SLC1A1: variants seen among roughly 807,000 people sequenced by gnomAD.
SLC1A1 encodes solute carrier family 1 member 1.
In SLC1A1, 43 loss-of-function variants were observed where a neutral mutation model predicts 53.3. The ratio of observed to expected loss-of-function variants is 0.81; its 90% CI spans 0.63 to 1.04. The LOEUF (loss-of-function observed/expected upper bound fraction) is 1.04, where lower values mean the gene tolerates loss of function less well. SLC1A1 is among the 50% of genes least tolerant of loss of function. SLC1A1 has a pLI of 0.00. For missense variants in SLC1A1, 748 were observed against 664.9 expected (o/e 1.12, Z -1.37); for synonymous variants, 307 against 243.2 (o/e 1.26, Z -2.44).
At chr9:4,553,035 G>A (rs1486152921) in intron 2 of SLC1A1, among the ~76,000 whole-genome samples, 1 of 152,000 alleles carries the variant, frequency 6.6e-6, no homozygotes, top group African/African-American at 2.4e-5. Context: ...CTAGAAGTCC[G>A]AGATACCAAT....
chr9:4,529,718 TG>T (rs1377031868), intron 1 of SLC1A1, among the ~76,000 whole-genome samples: 1 of 152,074 alleles, frequency 6.6e-6, no homozygotes, highest in Non-Finnish European at 1.5e-5. Flanking sequence ...GTTGTAGAGA[TG>T]GTGTCTCATT....
intron 11 of SLC1A1, among the ~76,000 whole-genome samples, chr9:4,584,458 T>C (rs561971464): frequency 1.3e-5 from 2 of 152,190 alleles, no homozygotes; most frequent in Non-Finnish European, 1.5e-5. Context: ...AAAGGTCCAA[T>C]TGGAGGTATG....
chr9:4,526,839 C>A (rs529117365), intron 1 of SLC1A1, among the ~76,000 whole-genome samples: 1 of 152,142 alleles, frequency 6.6e-6, no homozygotes, highest in South Asian at 2.1e-4. Flanking sequence ...AAGATTGCTA[C>A]TTCTTGGCAA....
intron 3 of SLC1A1, among the ~76,000 whole-genome samples, chr9:4,562,222 C>A (rs561910247): frequency 2.0e-5 from 3 of 151,820 alleles, no homozygotes; most frequent in Admixed American, 2.0e-4. Context: ...CAGGTGCACA[C>A]CACCATGCCC....
chr9:4,566,188 G>A (rs756624150), intron 5 of SLC1A1, 99 bp downstream of exon 5: 28 of 1,080,894 alleles, frequency 2.6e-5, no homozygotes, highest in South Asian at 7.5e-5. Context: ...AATTAGCCCC[G>A]TGAAAATGGC....
chr9:4,503,677 T>G (rs1032690951), intron 1 of SLC1A1, among the ~76,000 whole-genome samples: 3 of 151,886 alleles, frequency 2.0e-5, no homozygotes, highest in African/African-American at 7.3e-5. Context: ...CAGTATTACA[T>G]GGAACTATAA....
At chr9:4,561,798 G>A (rs1312703814) in intron 3 of SLC1A1, among the ~76,000 whole-genome samples, 1 of 152,146 alleles carries the variant, frequency 6.6e-6, no homozygotes, top group Non-Finnish European at 1.5e-5. Context: ...GGCTGAGGCA[G>A]GAGAATCACT....
At chr9:4,564,754 A>T (rs1292154339) in intron 4 of SLC1A1, among the ~76,000 whole-genome samples, 1 of 152,204 alleles carries the variant, frequency 6.6e-6, no homozygotes, top group Non-Finnish European at 1.5e-5. Context: ...TCTGAAGCGC[A>T]CTTAGAAAAA....
At chr9:4,557,887 C>A (rs979701275) in intron 2 of SLC1A1, among the ~76,000 whole-genome samples, 2 of 152,148 alleles carry the variant, frequency 1.3e-5, no homozygotes, top group Admixed American at 6.6e-5. Context: ...CCAGCTCTAC[C>A]ACTCACCTTA....
chr9:4,513,204 T>G (rs1190542069), intron 1 of SLC1A1, among the ~76,000 whole-genome samples: 3 of 152,096 alleles, frequency 2.0e-5, no homozygotes, highest in East Asian at 3.8e-4. Flanking sequence ...AATTGGTAAG[T>G]TGGACTTTAA....
In SLC1A1 at chr9:4,523,377, G is replaced by C. The variant is rs769126664; in HGVS notation, c.92-21190G>C. 2.7e-5 allele frequency among the ~76,000 whole-genome samples: 4 copies of C among 150,308 alleles called. 1 individual carries two copies. Among genetic ancestry groups the C allele is most frequent in the Admixed American group, 2.6e-4 (4 of 15,098 alleles). On this transcript the variant is annotated intron_variant, in intron 1 of 11. Transcript: ENST00000262352. ...CTTTTTTTTTTTCCACATGCCATTT[G>C]TTCTCGTACCACTAAGACCCTAAGA...
At chr9:4,525,022 C>T (rs1021189318) in intron 1 of SLC1A1, among the ~76,000 whole-genome samples, 1 of 152,094 alleles carries the variant, frequency 6.6e-6, no homozygotes, top group Admixed American at 6.5e-5. Context: ...ACAAACCAAC[C>T]ATAGCAAGAC....
rs373139653 is a variant in SLC1A1 at position 4,556,740 on chromosome 9, G to C, written c.233-4709G>C. Among the ~76,000 whole-genome samples the C allele has an allele frequency of 2.6e-5, 4 of 152,078 alleles. No homozygotes were observed. The highest frequency in any genetic ancestry group is 7.2e-5 in the African/African-American group (3 of 41,402). On this transcript the variant is annotated intron_variant, in intron 2 of 11. Transcript: ENST00000262352. The surrounding 1 kb of genome is among the most constrained non-coding windows in gnomAD (Gnocchi z 4.1). ...CACAAGTTCTCACCAAGACAATATC[G>C]TCCCCAAGGCAGCAAAAGCTGTTTT...
chr9:4,543,937 C>G (rs940460472), intron 1 of SLC1A1, among the ~76,000 whole-genome samples: 2 of 151,984 alleles, frequency 1.3e-5, no homozygotes, highest in Admixed American at 6.6e-5. Flanking sequence ...CCAGCACTTT[C>G]GGAAGTCGAG....
Position 4,583,315 on chromosome 9 carries a change from AT to A in SLC1A1, c.1328+144del. On this transcript the variant is annotated intron_variant, in intron 11 of 11. Transcript: ENST00000262352. This position sits in a 1 kb window ranked among gnomAD's most constrained non-coding sequence, Gnocchi z 4.6. ...GCTTTAATTTTCCTCTGACCAGGCC[AT>A]CTGATAACATGCCTAAAAATTAACT... 1 of 1,019,180 alleles carries A rather than the reference AT, an allele frequency of 9.8e-7. No individual in the cohort carries two copies. The highest frequency in any genetic ancestry group is 1.5e-6 in the Non-Finnish European group (1 of 655,310). 63.1% of individuals were successfully genotyped at this position (1,019,180 alleles called of 1,614,324 possible). A position where few individuals can be genotyped will look rare whatever the true frequency, so the allele number is the denominator to read the frequency against.
intron 1 of SLC1A1, among the ~76,000 whole-genome samples, chr9:4,544,255 T>G (rs1817266209): frequency 6.6e-6 from 1 of 152,186 alleles, no homozygotes; most frequent in Admixed American, 6.5e-5. Flanking sequence ...TATACTGGAT[T>G]GACTAAGATG....
intron 1 of SLC1A1, among the ~76,000 whole-genome samples, chr9:4,537,120 C>T (rs1207981298): frequency 2.6e-5 from 4 of 151,584 alleles, no homozygotes; most frequent in Admixed American, 6.6e-5. Flanking sequence ...GTGCAGCACA[C>T]AAACATGGCA....
At chr9:4,536,197 A>T (rs1816666639) in intron 1 of SLC1A1, among the ~76,000 whole-genome samples, 1 of 152,194 alleles carries the variant, frequency 6.6e-6, no homozygotes. Flanking sequence ...GACAAATGGG[A>T]TCTCATTAAA....
intron 1 of SLC1A1, among the ~76,000 whole-genome samples, chr9:4,508,924 G>C (rs960049675): frequency 1.3e-5 from 2 of 152,110 alleles, no homozygotes; most frequent in African/African-American, 4.8e-5. Flanking sequence ...TCTGCCTTGG[G>C]AGCTTGAGAT....
Sources: gnomAD v4.1 joint callset for allele counts (sites outside exome capture counted in the v4.1 genomes callset) on GRCh38, gnomAD v4.1.1 for gene constraint, Gnocchi (gnomAD v3.1) non-coding constraint, MANE v1.5 for transcripts, NCBI Gene and HGNC (gene_info 2026-07-23, HGNC 2026-07-21) for gene names.